SDK1: variants seen among roughly 807,000 people sequenced by gnomAD.
SDK1 encodes protein sidekick-1.
SDK1 carries 157 observed loss-of-function variants against 245.5 expected under a neutral mutation model. The observed-to-expected ratio is 0.64, with a 90% CI of 0.56 to 0.73. The LOEUF is 0.73. Among genes scored for constraint, SDK1 ranks in the 30% least tolerant of loss-of-function variants. The pLI is 0.00. For missense variants in SDK1, 3,583 were observed against 3,002.3 expected (o/e 1.19, Z -4.52); for synonymous variants, 1,647 against 1,278.5 (o/e 1.29, Z -6.15).
intron 4 of SDK1, among the ~76,000 whole-genome samples, chr7:3,770,407 A>T (rs1253087505): frequency 6.6e-6 from 1 of 152,210 alleles, no homozygotes; most frequent in Non-Finnish European, 1.5e-5. Context: ...GCTTCTGTGA[A>T]CATTCATGCA....
intron 40 of SDK1, 80 bp downstream of exon 40, chr7:4,221,444 A>G (rs1562451157): frequency 6.8e-7 from 1 of 1,478,126 alleles, no homozygotes; most frequent in Non-Finnish European, 9.1e-7. Flanking sequence ...GGCTTCCATC[A>G]CTTTCTCTTT....
chr7:3,968,470 T>C (rs1176557195), intron 10 of SDK1, among the ~76,000 whole-genome samples: 1 of 152,196 alleles, frequency 6.6e-6, no homozygotes, highest in African/African-American at 2.4e-5. Context: ...CTCTCAGAGG[T>C]ACAACCCCTG....
At chr7:3,622,116 T>C (rs1781960740) in intron 2 of SDK1, among the ~76,000 whole-genome samples, 2 of 152,222 alleles carry the variant, frequency 1.3e-5, no homozygotes, top group African/African-American at 4.8e-5. Flanking sequence ...TGACCTAGGG[T>C]ATTTTCAACA....
chr7:3,832,640 A>G (rs1373071676), intron 5 of SDK1, among the ~76,000 whole-genome samples: 1 of 152,216 alleles, frequency 6.6e-6, no homozygotes, highest in African/African-American at 2.4e-5. Context: ...TTCGTATCTG[A>G]GATGTAAAGA....
chr7:3,732,549 A>G (rs1302067297), intron 4 of SDK1, among the ~76,000 whole-genome samples: 2 of 152,134 alleles, frequency 1.3e-5, no homozygotes, highest in African/African-American at 4.8e-5. Context: ...TTTTTTGTTC[A>G]GTGCTAATAA....
intron 22 of SDK1, among the ~76,000 whole-genome samples, chr7:4,082,810 A>G (rs1425941247): frequency 2.6e-5 from 4 of 151,970 alleles, no homozygotes; most frequent in Non-Finnish European, 5.9e-5. Context: ...TGGTAGAGAC[A>G]GGGTTTTGCT....
At chr7:3,607,036 C>T (rs962104518) in intron 1 of SDK1, among the ~76,000 whole-genome samples, 2 of 152,150 alleles carry the variant, frequency 1.3e-5, no homozygotes, top group African/African-American at 4.8e-5. Context: ...AGAGAAAGGG[C>T]TTCCAAGATG....
intron 1 of SDK1, among the ~76,000 whole-genome samples, chr7:3,455,615 C>G (rs1383021644): frequency 7.2e-5 from 11 of 152,120 alleles, no homozygotes; most frequent in Non-Finnish European, 1.3e-4. Flanking sequence ...TTTCTGGCTT[C>G]TCTACTCTGT....
chr7:3,572,653 T>G (rs574667279), intron 1 of SDK1, among the ~76,000 whole-genome samples: 55 of 152,180 alleles, frequency 3.6e-4, no homozygotes, highest in African/African-American at 1.3e-3. Context: ...GATAGGCAAC[T>G]ATTCAGTCAT....
chr7:4,033,951 A>C (rs1032429958), intron 17 of SDK1, among the ~76,000 whole-genome samples: 14 of 152,176 alleles, frequency 9.2e-5, no homozygotes, highest in African/African-American at 3.4e-4. Context: ...GTATGTATAC[A>C]TCACAAAGGA....
intron 4 of SDK1, among the ~76,000 whole-genome samples, chr7:3,672,781 A>ATATATATATATG (rs1562646735): frequency 9.8e-6 from 1 of 102,324 alleles, no homozygotes; most frequent in Non-Finnish European, 2.0e-5. Flanking sequence ...ATATATATAT[A>ATATATATATATG]TATATATATA....
At chr7:3,816,718 A>C (rs1365254364) in intron 4 of SDK1, among the ~76,000 whole-genome samples, 1 of 152,202 alleles carries the variant, frequency 6.6e-6, no homozygotes, top group Non-Finnish European at 1.5e-5. Flanking sequence ...CAGCTAAGGA[A>C]AGTTCATCAG....
chr7:4,125,705 A>G (rs1310598703), intron 25 of SDK1, among the ~76,000 whole-genome samples: 1 of 152,208 alleles, frequency 6.6e-6, no homozygotes, highest in Non-Finnish European at 1.5e-5. Context: ...CAGGCACCTC[A>G]GTGTTTGCTT....
At chr7:4,127,237 C>G (rs1784446630) in intron 25 of SDK1, 144 bp from the exon 26 acceptor site, 2 of 669,066 alleles carry the variant, frequency 3.0e-6, no homozygotes, top group Non-Finnish European at 5.5e-6. Flanking sequence ...CCGTTATACT[C>G]CTGTAGGTTT....
intron 5 of SDK1, among the ~76,000 whole-genome samples, chr7:3,887,242 G>T (rs183585532): frequency 6.6e-6 from 1 of 152,124 alleles, no homozygotes; most frequent in Non-Finnish European, 1.5e-5. Context: ...TCACAAGGAT[G>T]ACTGGAGACT....
rs1788527665 is a variant in SDK1, at chr7:4,267,280, C to T, written c.*1896C>T. 1 of 584,568 alleles carries T rather than the reference C, an allele frequency of 1.7e-6. No individual in the cohort carries two copies. The highest frequency in any genetic ancestry group is 2.1e-6 in the Non-Finnish European group (1 of 467,384). The allele number at this position is 584,568 out of a possible 1,614,324, so 36.2% of individuals were successfully genotyped here. A position where few individuals can be genotyped will look rare whatever the true frequency, so the allele number is the denominator to read the frequency against. ...TCCCTCCTTCCCTCCCTTCCTTCCTCTCTTTCCTCCTTCCTTCCCTCCCTT... is the reference window on the plus strand; with the variant it reads ...TCCCTCCTTCCCTCCCTTCCTTCCTTTCTTTCCTCCTTCCTTCCCTCCCTT... On this transcript the variant is annotated 3_prime_UTR_variant, in exon 45 of 45. Transcript: ENST00000404826.
chr7:3,342,954 G>C (rs1023032010), intron 1 of SDK1, among the ~76,000 whole-genome samples: 1 of 151,194 alleles, frequency 6.6e-6, no homozygotes, highest in Non-Finnish European at 1.5e-5. Flanking sequence ...CTAGCCATTA[G>C]GGAAATGGAA....
At position 4,017,185 on chromosome 7, in the gene SDK1, G is replaced by A. The variant is rs749442927; in HGVS notation, c.2435G>A (p.Gly812Asp). The part of the protein sequence containing the change: ...RGYILRYRLA[G>D]LPGEYQQRNI... ...TCGTGGCGCAGGTACCGCCTGGCTG[G>A]CCTTCCCGGAGAGTACCAGCAGCGG... is the stretch of plus-strand genomic sequence containing the variant. The change falls in exon 17 of 45, where the codon GGC becomes GAC. Residue 812 changes from glycine (G) to aspartate (D), a missense_variant. Coordinates refer to ENST00000404826, the MANE Select transcript of SDK1 (RefSeq NM_152744.4). The A allele has an allele frequency of 5.0e-6, 8 of 1,611,186 alleles. No individual in the cohort carries two copies. The highest frequency in any genetic ancestry group is 3.3e-4 in the Middle Eastern group (2 of 6,034).
At chr7:3,712,984 C>T (rs2115020201) in intron 4 of SDK1, among the ~76,000 whole-genome samples, 1 of 152,338 alleles carries the variant, frequency 6.6e-6, no homozygotes, top group East Asian at 1.9e-4. Flanking sequence ...CCCAGGAATG[C>T]TGATTGCTGT....
Sources: gnomAD v4.1 joint callset for allele counts (sites outside exome capture counted in the v4.1 genomes callset) on GRCh38, gnomAD v4.1.1 for gene constraint, MANE v1.5 for transcripts, NCBI Gene and HGNC (gene_info 2026-07-23, HGNC 2026-07-21) for gene names.